BID: variants seen among roughly 807,000 people sequenced by gnomAD.
BID encodes BH3-interacting domain death agonist.
In BID, 19 loss-of-function variants were observed where a neutral mutation model predicts 17.4. That is an observed-to-expected ratio of 1.09 (90% confidence interval 0.76 to 1.60). The LOEUF (loss-of-function observed/expected upper bound fraction) is 1.60. BID is among the 40% of genes most tolerant of loss of function. BID has a pLI of 0.00. For missense variants in BID, 226 were observed against 256.0 expected, an observed-to-expected ratio of 0.88 and a Z score of 0.80; for synonymous variants, 108 against 102.8, an observed-to-expected ratio of 1.05 and a Z score of -0.31.
intron 1 of BID, among the ~76,000 whole-genome samples, chr22:17,765,441 T>A (rs1000025988): frequency 5.3e-5 from 8 of 152,202 alleles, no homozygotes; most frequent in Admixed American, 2.6e-4. Flanking sequence ...TATGTCGATA[T>A]CCAAAGAATA....
In BID at chr22:17,735,341, A is replaced by G; in HGVS notation, c.*239T>C. 1 of 535,256 alleles carries G rather than the reference A, an allele frequency of 1.9e-6. No individual in the cohort carries two copies. Among genetic ancestry groups the G allele is most frequent in the East Asian group, 3.1e-5 (1 of 32,016 alleles). The allele number at this position is 535,256 out of a possible 1,614,324, so 33.2% of individuals were successfully genotyped here. A position where few individuals can be genotyped will look rare whatever the true frequency, so the allele number is the denominator to read the frequency against. ...TACAGATGTGCAGATTCATGTGTGGATGATATGAAGGCCATTCAAATACGT... is the reference window on the plus strand; with the variant it reads ...TACAGATGTGCAGATTCATGTGTGGGTGATATGAAGGCCATTCAAATACGT... On this transcript the variant is annotated 3_prime_UTR_variant, in exon 6 of 6. Coordinates refer to ENST00000622694, the MANE Select transcript of BID (RefSeq NM_001196.4).
chr22:17,752,729 G>GCA, intron 1 of BID, among the ~76,000 whole-genome samples: 2 of 150,812 alleles, frequency 1.3e-5, no homozygotes, highest in Non-Finnish European at 3.0e-5. Context: ...GCAGTGGCAT[G>GCA]ATCTTGGCTC....
chr22:17,752,823 G>A (rs2061549935), intron 1 of BID, among the ~76,000 whole-genome samples: 1 of 151,976 alleles, frequency 6.6e-6, no homozygotes, highest in Non-Finnish European at 1.5e-5. Context: ...CCGCCACCAC[G>A]CCCAGCTAAC....
intron 3 of BID, chr22:17,740,507 G>A (rs970196181): frequency 4.6e-5 from 11 of 237,524 alleles, no homozygotes; most frequent in Non-Finnish European, 8.5e-5. Flanking sequence ...TCGGCTCACT[G>A]CAACCTTCGC....
chr22:17,751,297 G>A (rs1416410439), intron 1 of BID, among the ~76,000 whole-genome samples: 2 of 151,842 alleles, frequency 1.3e-5, no homozygotes, highest in South Asian at 4.2e-4. Context: ...GCGTGAACCC[G>A]GGAAGCGGAG....
chr22:17,739,445 G>T lies in BID; in HGVS notation c.267C>A (p.His89Gln). 6.2e-7 allele frequency: 1 copy of T among 1,612,690 alleles called. No homozygotes were observed. Residue 89 changes from histidine (H) to glutamine (Q), a missense_variant, in exon 4 of 6, where the codon CAC becomes CAA. Coordinates refer to ENST00000622694, the MANE Select transcript of BID (RefSeq NM_001196.4). ...CCATGCTGTCCCCGACCTGGGCGAGGTGCCTGGCAATATTCCGGATGATGT... is the reference window on the plus strand; with the variant it reads ...CCATGCTGTCCCCGACCTGGGCGAGTTGCCTGGCAATATTCCGGATGATGT... Reference protein sequence around the residue: ...QEDIIRNIARHLAQVGDSMDR... With the variant: ...QEDIIRNIARQLAQVGDSMDR...
chr22:17,771,131 G>C (rs555165616), intron 1 of BID, among the ~76,000 whole-genome samples: 1 of 151,968 alleles, frequency 6.6e-6, no homozygotes, highest in African/African-American at 2.4e-5. Flanking sequence ...ACGGAGTCTC[G>C]CTCTGTCCCC....
chr22:17,770,616 C>T (rs1240830256), intron 1 of BID, among the ~76,000 whole-genome samples: 52 of 152,392 alleles, frequency 3.4e-4, no homozygotes, highest in Admixed American at 3.4e-3. Context: ...AGAGCAACTA[C>T]TGCCAGCCTT....
intron 1 of BID, among the ~76,000 whole-genome samples, chr22:17,765,869 C>A (rs1357187847): frequency 6.6e-6 from 1 of 152,158 alleles, no homozygotes; most frequent in Non-Finnish European, 1.5e-5. Flanking sequence ...CTTTTTAAAA[C>A]CCAAATTATT....
In BID at chr22:17,769,308, C is replaced by T. The variant is rs1456365430; in HGVS notation, c.-59+5073G>A. Among the ~76,000 whole-genome samples the T allele has an allele frequency of 6.6e-6, 1 of 152,242 alleles. No homozygotes were observed. Among genetic ancestry groups the T allele is most frequent in the East Asian group, 1.9e-4 (1 of 5,194 alleles). On this transcript the variant is annotated intron_variant, in intron 1 of 5. Transcript: ENST00000622694. The surrounding 1 kb of genome is among the most constrained non-coding windows in gnomAD (Gnocchi z 4.8). ...ACACGGGTGACCCTTCCACAAAGGC[C>T]CCTAGCTGGGCTCCCTGCTCAGTTG...
intron 1 of BID, among the ~76,000 whole-genome samples, chr22:17,762,491 G>T (rs1345436189): frequency 6.6e-6 from 1 of 152,046 alleles, no homozygotes; most frequent in African/African-American, 2.4e-5. Flanking sequence ...GCAAGACTCT[G>T]TCTCAAAATT....
chr22:17,743,104 T>G (rs1484099462), intron 3 of BID, among the ~76,000 whole-genome samples: 1 of 152,266 alleles, frequency 6.6e-6, no homozygotes, highest in Non-Finnish European at 1.5e-5. Flanking sequence ...CATTTACCCT[T>G]TGCTGGACCT....
Position 17,762,899 on chromosome 22 carries a change from C to T in BID, c.-59+11482G>A, listed in dbSNP as rs538116788. Among the ~76,000 whole-genome samples, 21 of 149,582 alleles carry T rather than the reference C, an allele frequency of 1.4e-4. 1 individual carries two copies. Among genetic ancestry groups the T allele is most frequent in the African/African-American group, 2.5e-4 (10 of 40,036 alleles). ...TGTTTGTTTGTTTGTTTTTTTAAGA[C>T]GGAGTCTCACTCTGTCACCCAGGCT... is the stretch of plus-strand genomic sequence containing the variant. On this transcript the variant is annotated intron_variant, in intron 1 of 5. Coordinates refer to ENST00000622694, the MANE Select transcript of BID (RefSeq NM_001196.4).
chr22:17,743,700 G>A, intron 3 of BID, 103 bp downstream of exon 3: 4 of 1,230,220 alleles, frequency 3.3e-6, no homozygotes, highest in African/African-American at 1.5e-5. Context: ...AAACTGCAGA[G>A]GCAGAGTGAT....
rs60609319 is a variant in BID at position 17,762,858 on chromosome 22, G to GAA, written c.-59+11521_-59+11522dup. ...AAAGTTTGAGAAGTGCTGCTTTGAG[G>GAA]AAAAAAAACAAAACCTGTTTGTTTG... On this transcript the variant is annotated intron_variant, in intron 1 of 5. Coordinates refer to ENST00000622694, the MANE Select transcript of BID (RefSeq NM_001196.4). 3.3e-3 allele frequency among the ~76,000 whole-genome samples: 489 copies of GAA among 150,456 alleles called. 1 individual carries two copies. The highest frequency in any genetic ancestry group is 0.011 in the African/African-American group (467 of 40,626).
At chr22:17,756,273 G>A (rs530210421) in intron 1 of BID, among the ~76,000 whole-genome samples, 2 of 152,328 alleles carry the variant, frequency 1.3e-5, no homozygotes, top group South Asian at 2.1e-4. Flanking sequence ...AACTGTGTGC[G>A]CAGGCAACGG....
chr22:17,743,292 G>A (rs918471383), intron 3 of BID, among the ~76,000 whole-genome samples: 5 of 152,240 alleles, frequency 3.3e-5, no homozygotes, highest in Admixed American at 1.3e-4. Flanking sequence ...GGCAGGGGCC[G>A]CACCGGTAGT....
rs2145867437 is a variant in BID at position 17,735,262 on chromosome 22, T to G, written c.*318A>C. 1 of 287,242 alleles carries G rather than the reference T, an allele frequency of 3.5e-6. No individual in the cohort carries two copies. Among genetic ancestry groups the G allele is most frequent in the Middle Eastern group, 1.0e-3 (1 of 968 alleles). 17.8% of individuals were successfully genotyped at this position (287,242 alleles called of 1,614,324 possible). A position where few individuals can be genotyped will look rare whatever the true frequency, so the allele number is the denominator to read the frequency against. On this transcript the variant is annotated 3_prime_UTR_variant, in exon 6 of 6. Coordinates refer to ENST00000622694, the MANE Select transcript of BID (RefSeq NM_001196.4). ...ACTTCCTTGAAACCTGCTTTCCAATTTAATTTTTAAGTGGGAACCTGCACA... is the reference window on the plus strand; with the variant it reads ...ACTTCCTTGAAACCTGCTTTCCAATGTAATTTTTAAGTGGGAACCTGCACA...
Position 17,773,692 on chromosome 22 carries a change from G to A in BID, c.-59+689C>T, listed in dbSNP as rs778338459. The A allele has an allele frequency of 6.2e-7, 1 of 1,608,880 alleles. No homozygotes were observed. Among genetic ancestry groups the A allele is most frequent in the Non-Finnish European group, 8.5e-7 (1 of 1,179,802 alleles). On this transcript the variant is annotated intron_variant, in intron 1 of 5. Coordinates refer to ENST00000622694, the MANE Select transcript of BID (RefSeq NM_001196.4). The surrounding 1 kb of genome is among the most constrained non-coding windows in gnomAD (Gnocchi z 4.4). ...ATGACCCCAGCACCGCTGCACATTC[G>A]TATTTGTTGAATGAATGAATGAACC...
Sources: gnomAD v4.1 joint callset for allele counts (sites outside exome capture counted in the v4.1 genomes callset) on GRCh38, gnomAD v4.1.1 for gene constraint, Gnocchi (gnomAD v3.1) non-coding constraint, MANE v1.5 for transcripts, NCBI Gene and HGNC (gene_info 2026-07-23, HGNC 2026-07-21) for gene names.